The following TMEM161B variants were observed in gnomAD, a reference collection of about 807,000 sequenced individuals.
TMEM161B encodes the protein transmembrane protein 161B.
TMEM161B carries 34 observed loss-of-function variants against 61.8 expected under a neutral mutation model. That is an observed-to-expected ratio of 0.55 (90% confidence interval 0.42 to 0.73). TMEM161B has a LOEUF of 0.73. Among genes scored for constraint, TMEM161B ranks in the 30% least tolerant of loss-of-function variants. The pLI is 0.00. For missense variants in TMEM161B, 456 were observed against 558.5 expected (o/e 0.82, Z 1.85); for synonymous variants, 167 against 192.8 (o/e 0.87, Z 1.11).
At chr5:88,196,632 T>G in intron 11 of TMEM161B, 144 bp from the exon 12 acceptor site, 1 of 942,518 alleles carries the variant, frequency 1.1e-6, no homozygotes, top group Non-Finnish European at 1.5e-6. Context: ...AGTAAAATAA[T>G]AATCCTTCTA....
intron 9 of TMEM161B, chr5:88,202,673 C>T (rs1744648356): frequency 2.9e-6 from 1 of 349,038 alleles, no homozygotes; most frequent in Non-Finnish European, 5.2e-6. Flanking sequence ...TGAACAATAG[C>T]CACAATGACA....
intron 1 of TMEM161B, among the ~76,000 whole-genome samples, chr5:88,245,942 C>T (rs1007718613): frequency 6.6e-6 from 1 of 151,796 alleles, no homozygotes; most frequent in African/African-American, 2.4e-5. Context: ...ATCTTCAGTA[C>T]CCAGAAGAGA....
intron 2 of TMEM161B, among the ~76,000 whole-genome samples, chr5:88,229,117 C>T (rs1314711170): frequency 6.6e-6 from 1 of 152,194 alleles, no homozygotes; most frequent in Non-Finnish European, 1.5e-5. Flanking sequence ...CTCTCTACCA[C>T]AGTCAAAATA....
At position 88,207,059 on chromosome 5, in the gene TMEM161B, C is replaced by A; in HGVS notation, c.568G>T (p.Glu190Ter). Residue 190 changes from glutamate (E) to a stop codon, truncating the protein, a stop_gained, in exon 6 of 12, where the codon GAA (glutamate) becomes TAA (stop). Coordinates refer to ENST00000296595, the MANE Select transcript of TMEM161B (RefSeq NM_153354.5). LOFTEE classifies it high-confidence loss of function. ...TCAAGTCCAAATTCCAGATAATTTT[C>A]TGTTACAATCAACACTGCCATTGCT... ...VKAMAVLIVT[E>*]NYLEFGLETG... 1 of 1,612,066 alleles carries A rather than the reference C, an allele frequency of 6.2e-7. No individual in the cohort carries two copies. Among genetic ancestry groups the A allele is most frequent in the Non-Finnish European group, 8.5e-7 (1 of 1,179,398 alleles).
Position 88,267,160 on chromosome 5 carries a change from ACT to A in TMEM161B, c.3+1559_3+1560del, listed in dbSNP as rs1290029036. Among the ~76,000 whole-genome samples, 6 of 152,340 alleles carry A rather than the reference ACT, an allele frequency of 3.9e-5. No homozygotes were observed. The East Asian group carries it at 1.2e-3, about 29-fold the overall frequency. On this transcript the variant is annotated intron_variant, in intron 1 of 11. Coordinates refer to ENST00000296595, the MANE Select transcript of TMEM161B (RefSeq NM_153354.5). ...GAGTTTTAGTCCAGACTGCCAAACT[ACT>A]GTTACTTTAGAAAAATCACTGTCAA... is the stretch of plus-strand genomic sequence containing the variant.
At chr5:88,230,359 A>G (rs1750785095) in intron 2 of TMEM161B, among the ~76,000 whole-genome samples, 1 of 152,062 alleles carries the variant, frequency 6.6e-6, no homozygotes, top group South Asian at 2.1e-4. Flanking sequence ...ACGCTGGGGG[A>G]AGTACAGATG....
chr5:88,198,280 C>CT (rs1239936508), intron 10 of TMEM161B: 4 of 151,884 alleles, frequency 2.6e-5, no homozygotes, highest in African/African-American at 9.7e-5. Context: ...ATAAATGCCC[C>CT]TAACTATGGA....
Position 88,196,426 on chromosome 5 carries a change from G to C in TMEM161B, c.1249C>G (p.Leu417Val), listed in dbSNP as rs748567207. 6.2e-7 allele frequency: 1 copy of C among 1,612,920 alleles called. No homozygotes were observed. The highest frequency in any genetic ancestry group is 1.3e-5 in the African/African-American group (1 of 74,808). Residue 417 changes from leucine (L) to valine (V), a missense_variant, in exon 12 of 12, where the codon CTG becomes GTG. This residue lies in a region of TMEM161B where 367 missense variants were observed against 427.3 expected (regional missense o/e 0.86). Transcript: ENST00000296595. ...AATTCAGAGTAAACAGAATTGGACA[G>C]TAGACTATTATCCACTGGTAAGGTA... ...ISTLPVDNSL[L>V]SNSVYSELPS...
chr5:88,267,562 T>C (rs1004959833), intron 1 of TMEM161B, among the ~76,000 whole-genome samples: 2 of 152,106 alleles, frequency 1.3e-5, no homozygotes, highest in African/African-American at 4.8e-5. Flanking sequence ...AAGTGAGGGT[T>C]TGAAATCTTG....
At chr5:88,198,351 T>C (rs906190340) in intron 10 of TMEM161B, 1 of 152,068 alleles carries the variant, frequency 6.6e-6, no homozygotes, top group Non-Finnish European at 1.5e-5. Flanking sequence ...CCCAATACTT[T>C]GGGAGGTGAT....
At chr5:88,259,458 C>A (rs1378158019) in intron 1 of TMEM161B, 1 of 152,176 alleles carries the variant, frequency 6.6e-6, no homozygotes, top group Admixed American at 6.6e-5. Flanking sequence ...AGGCTTGGAA[C>A]AAGTGTAACT....
intron 1 of TMEM161B, among the ~76,000 whole-genome samples, chr5:88,250,438 G>C (rs1489006370): frequency 6.6e-6 from 1 of 152,026 alleles, no homozygotes; most frequent in Non-Finnish European, 1.5e-5. Flanking sequence ...ATACATATAA[G>C]AACACAGACA....
At chr5:88,238,216 C>T (rs565580414) in intron 2 of TMEM161B, among the ~76,000 whole-genome samples, 1 of 151,850 alleles carries the variant, frequency 6.6e-6, no homozygotes, top group South Asian at 2.1e-4. Flanking sequence ...CCATGATTGG[C>T]TGAATCCAGA....
intron 1 of TMEM161B, among the ~76,000 whole-genome samples, chr5:88,255,031 G>GA (rs1035261253): frequency 3.9e-5 from 6 of 151,930 alleles, no homozygotes; most frequent in African/African-American, 1.4e-4. Flanking sequence ...TTCAAAGGAG[G>GA]AAAAAAATGT....
chr5:88,254,861 A>G (rs968280270), intron 1 of TMEM161B, among the ~76,000 whole-genome samples: 6 of 147,066 alleles, frequency 4.1e-5, no homozygotes, highest in African/African-American at 1.5e-4. Flanking sequence ...TTTTAAGGGA[A>G]AAAAAAAAAA....
intron 1 of TMEM161B, among the ~76,000 whole-genome samples, chr5:88,250,232 G>A (rs1754159015): frequency 6.6e-6 from 1 of 151,976 alleles, no homozygotes; most frequent in Non-Finnish European, 1.5e-5. Flanking sequence ...CAGAAGCCTG[G>A]CTGGTAAGAA....
intron 1 of TMEM161B, among the ~76,000 whole-genome samples, chr5:88,246,906 T>C (rs1753688953): frequency 6.6e-6 from 1 of 152,024 alleles, no homozygotes; most frequent in South Asian, 2.1e-4. Context: ...AATGGTTTTA[T>C]TAACGCTTCA....
chr5:88,245,023 T>A lies in TMEM161B; in HGVS notation c.4-4107A>T, dbSNP rs1415013131. Among the ~76,000 whole-genome samples, 3 of 151,836 alleles carry A rather than the reference T, an allele frequency of 2.0e-5. No individual in the cohort carries two copies. The Admixed American group carries it at 2.0e-4, about 10-fold the overall frequency. On this transcript the variant is annotated intron_variant, in intron 1 of 11. Transcript: ENST00000296595. The stretch of plus-strand genomic sequence containing the variant: ...AACTTTGCTCAAGTTGTGTGTCAGA[T>A]TAAGGAGCTTTTGGGCACAGACTGT...
Sources: allele counts gnomAD v4.1 joint callset (sites outside exome capture counted in the v4.1 genomes callset), GRCh38; gene constraint gnomAD v4.1.1; regional missense constraint gnomAD v4.1.1; transcripts MANE v1.5; gene names NCBI Gene and HGNC (gene_info 2026-07-23, HGNC 2026-07-21).